Variants in GTF2E1 observed in about 807,000 individuals in gnomAD.
The protein encoded by GTF2E1 is TFIIE alpha subunit.
In GTF2E1, 14 loss-of-function variants were observed where a neutral mutation model predicts 34.9. The ratio of observed to expected loss-of-function variants is 0.40; its 90% CI spans 0.27 to 0.63. The LOEUF (loss-of-function observed/expected upper bound fraction) is 0.63. Ranked by LOEUF, GTF2E1 falls within the 20% of genes least tolerant of loss-of-function variation. The pLI is 0.39. For synonymous variants in GTF2E1, 188 were observed against 192.9 expected (o/e 0.97, Z 0.21); for missense variants, 469 against 557.7 (o/e 0.84, Z 1.60).
Position 120,762,308 on chromosome 3 carries a change from A to G in GTF2E1, c.449-8420A>G, listed in dbSNP as rs570633753. Among the ~76,000 whole-genome samples, 8 of 152,244 alleles carry G rather than the reference A, an allele frequency of 5.3e-5. No homozygotes were observed. In the South Asian group the frequency reaches 1.2e-3, roughly 24 times the overall value. On this transcript the variant is annotated intron_variant, in intron 2 of 4. Coordinates refer to ENST00000283875, the MANE Select transcript of GTF2E1 (RefSeq NM_005513.3). Reference sequence around the variant, plus strand: ...CTCGTTGATCTGTCTAATATTGACAATGGGGTGTTAAAGTCTCCAGTTATT... The same window carrying G: ...CTCGTTGATCTGTCTAATATTGACAGTGGGGTGTTAAAGTCTCCAGTTATT...
intron 3 of GTF2E1, 96 bp from the exon 4 acceptor site, chr3:120,776,327 T>C (rs2107613322): frequency 9.7e-7 from 1 of 1,027,580 alleles, no homozygotes; most frequent in Non-Finnish European, 1.4e-6. Flanking sequence ...CATTTACATG[T>C]AGTATTTCAG....
At chr3:120,755,358 A>G (rs1207975044) in intron 2 of GTF2E1, among the ~76,000 whole-genome samples, 1 of 152,198 alleles carries the variant, frequency 6.6e-6, no homozygotes, top group African/African-American at 2.4e-5. Context: ...TTACCCTAAC[A>G]TTTAAAAATT....
Position 120,750,715 on chromosome 3 carries a change from G to A in GTF2E1, c.163G>A (p.Asp55Asn). The change falls in exon 2 of 5, where the codon GAT (aspartate) becomes AAT (asparagine). Residue 55 changes from aspartate (D) to asparagine (N), a missense_variant. Transcript: ENST00000283875. ...EEDMLELLKF[D>N]RKQLRSVLNN... ...GGATATGCTGGAGCTGCTCAAGTTTGATCGGAAGCAACTTCGATCAGTTTT... is the reference window on the plus strand; with the variant it reads ...GGATATGCTGGAGCTGCTCAAGTTTAATCGGAAGCAACTTCGATCAGTTTT... 1 of 1,614,022 alleles carries A rather than the reference G, an allele frequency of 6.2e-7. No homozygotes were observed. Among genetic ancestry groups the A allele is most frequent in the Non-Finnish European group, 8.5e-7 (1 of 1,179,970 alleles).
At chr3:120,746,683 C>T (rs982811677) in intron 1 of GTF2E1, among the ~76,000 whole-genome samples, 1 of 152,120 alleles carries the variant, frequency 6.6e-6, no homozygotes, top group Admixed American at 6.5e-5. Context: ...CCCGTAGTCT[C>T]AGCTACTGGG....
At chr3:120,743,317 G>T (rs1709074258) in intron 1 of GTF2E1, among the ~76,000 whole-genome samples, 1 of 152,088 alleles carries the variant, frequency 6.6e-6, no homozygotes. Context: ...TTAACATCCT[G>T]AATTTGATCC....
At chr3:120,748,572 G>A (rs549962359) in intron 1 of GTF2E1, among the ~76,000 whole-genome samples, 6 of 152,122 alleles carry the variant, frequency 3.9e-5, no homozygotes, top group Non-Finnish European at 7.4e-5. Flanking sequence ...GATATGCAGC[G>A]TTATTTCTGA....
intron 3 of GTF2E1, among the ~76,000 whole-genome samples, chr3:120,773,313 A>G (rs536944702): frequency 6.6e-6 from 1 of 152,104 alleles, no homozygotes; most frequent in Admixed American, 6.6e-5. Context: ...TGCCCCAAGG[A>G]TGTAATAGTC....
At chr3:120,764,198 T>A (rs543379538) in intron 2 of GTF2E1, among the ~76,000 whole-genome samples, 1 of 152,334 alleles carries the variant, frequency 6.6e-6, no homozygotes, top group East Asian at 1.9e-4. Context: ...CCCTGCTTTT[T>A]TTCCCCTGTA....
At chr3:120,768,504 C>T (rs1709327033) in intron 2 of GTF2E1, among the ~76,000 whole-genome samples, 1 of 152,128 alleles carries the variant, frequency 6.6e-6, no homozygotes, top group East Asian at 1.9e-4. Context: ...TATTAATCAC[C>T]TTTCCATTTG....
At chr3:120,747,999 A>G (rs1709123067) in intron 1 of GTF2E1, among the ~76,000 whole-genome samples, 2 of 151,782 alleles carry the variant, frequency 1.3e-5, no homozygotes, top group African/African-American at 4.8e-5. Flanking sequence ...TCTGATGGCC[A>G]GTGATGGTGA....
Position 120,742,792 on chromosome 3 carries a change from T to A in GTF2E1, c.-33T>A. On this transcript the variant is annotated splice_region_variant and 5_prime_UTR_variant, in exon 1 of 5. The change creates a new upstream start codon in the 5' untranslated region. Transcript: ENST00000283875. ...TAGTGGGAGTGTTCCAGGATTCGCC[T>A]TGGTAAACCTTGTTCCCTGTTCCTT... 1 of 487,028 alleles carries A rather than the reference T, an allele frequency of 2.1e-6. No homozygotes were observed. 30.2% of individuals were successfully genotyped at this position (487,028 alleles called of 1,614,324 possible). A position where few individuals can be genotyped will look rare whatever the true frequency, so the allele number is the denominator to read the frequency against.
chr3:120,771,025 A>G lies in GTF2E1; in HGVS notation c.650+96A>G, dbSNP rs141285509. On this transcript the variant is annotated intron_variant, in intron 3 of 4. Transcript: ENST00000283875. Reference sequence around the variant, plus strand: ...GGAGAACAAGAGTGGGTAATTTACTAGGAGACTCAAGACTGTAATGTTACG... The same window carrying G: ...GGAGAACAAGAGTGGGTAATTTACTGGGAGACTCAAGACTGTAATGTTACG... The G allele has an allele frequency of 2.6e-4, 246 of 937,460 alleles. 1 individual carries two copies. In the African/African-American group the frequency reaches 3.4e-3, roughly 13 times the overall value. 58.1% of individuals were successfully genotyped at this position (937,460 alleles called of 1,614,324 possible). A position where few individuals can be genotyped will look rare whatever the true frequency, so the allele number is the denominator to read the frequency against.
intron 2 of GTF2E1, among the ~76,000 whole-genome samples, chr3:120,762,274 A>G (rs1360627888): frequency 6.6e-6 from 1 of 151,890 alleles, no homozygotes; most frequent in African/African-American, 2.4e-5. Flanking sequence ...ATCCTTGTTA[A>G]CCTTCTGTCT....
chr3:120,762,276 CT>C (rs1315948971), intron 2 of GTF2E1, among the ~76,000 whole-genome samples: 1 of 152,006 alleles, frequency 6.6e-6, no homozygotes, highest in Non-Finnish European at 1.5e-5. Flanking sequence ...CCTTGTTAAC[CT>C]TCTGTCTCGT....
chr3:120,765,856 C>T (rs1036740639), intron 2 of GTF2E1, among the ~76,000 whole-genome samples: 5 of 152,126 alleles, frequency 3.3e-5, no homozygotes, highest in African/African-American at 7.2e-5. Flanking sequence ...TCAAGCTTTG[C>T]CTAAAGAATC....
intron 2 of GTF2E1, among the ~76,000 whole-genome samples, chr3:120,764,225 G>C (rs1709288361): frequency 1.3e-5 from 2 of 151,964 alleles, no homozygotes; most frequent in Admixed American, 1.3e-4. Context: ...ATATACTATG[G>C]ATGTGATTTT....
At position 120,781,446 on chromosome 3, in the gene GTF2E1, C is replaced by A; in HGVS notation, c.1296C>A (p.Arg432=). ...EKEAYIAMGQ[R]MFEDLFE The stretch of plus-strand genomic sequence containing the variant: ...AAGCATATATAGCAATGGGACAACG[C>A]ATGTTTGAGGACCTCTTTGAGTGAG... Residue 432 remains arginine, a synonymous_variant, in exon 5 of 5, where the codon CGC becomes CGA. Coordinates refer to ENST00000283875, the MANE Select transcript of GTF2E1 (RefSeq NM_005513.3). 7 of 1,613,348 alleles carry A rather than the reference C, an allele frequency of 4.3e-6. No homozygotes were observed. Among genetic ancestry groups the A allele is most frequent in the Non-Finnish European group, 5.9e-6 (7 of 1,179,288 alleles).
chr3:120,777,710 C>T (rs141516661), intron 4 of GTF2E1, among the ~76,000 whole-genome samples: 225 of 152,274 alleles, frequency 1.5e-3, no homozygotes, highest in African/African-American at 4.9e-3. Context: ...TACCCTCCTT[C>T]TTCCTCACTG....
At chr3:120,771,404 A>C (rs1231847219) in intron 3 of GTF2E1, among the ~76,000 whole-genome samples, 2 of 152,140 alleles carry the variant, frequency 1.3e-5, no homozygotes, top group African/African-American at 4.8e-5. Context: ...CCTATGGGTT[A>C]ATACTCCTAA....
Sources: gnomAD v4.1 joint callset for allele counts (sites outside exome capture counted in the v4.1 genomes callset) on GRCh38, gnomAD v4.1.1 for gene constraint, MANE v1.5 for transcripts, NCBI Gene and HGNC (gene_info 2026-07-23, HGNC 2026-07-21) for gene names.